Variants in ERO1B observed in about 807,000 individuals in gnomAD.
ERO1B encodes ERO1-like protein beta.
Under a neutral mutation model 75.3 loss-of-function variants are expected in ERO1B, and 49 were observed. The observed-to-expected ratio is 0.65, with a 90% CI of 0.52 to 0.83. ERO1B has a LOEUF of 0.83. ERO1B is among the 40% of genes least tolerant of loss of function. The pLI is 0.00. For missense variants in ERO1B, 512 were observed against 560.1 expected (o/e 0.91, Z 0.87); for synonymous variants, 191 against 192.9 (o/e 0.99, Z 0.08).
At chr1:236,251,902 G>A (rs1665038865) in intron 4 of ERO1B, 148 bp downstream of exon 4, 4 of 599,756 alleles carry the variant, frequency 6.7e-6, no homozygotes, top group South Asian at 2.4e-5. Context: ...TCTGCTTGAC[G>A]CAAGAGTTAG....
At chr1:236,267,959 C>T (rs1227102588) in intron 2 of ERO1B, 4 of 149,222 alleles carry the variant, frequency 2.7e-5, no homozygotes, top group Non-Finnish European at 5.9e-5. Context: ...TGCACCCCTC[C>T]GGGGGAAAAA....
chr1:236,227,946 C>T lies in ERO1B; in HGVS notation c.713-1207G>A, dbSNP rs1323525840. 6.6e-5 allele frequency among the ~76,000 whole-genome samples: 10 copies of T among 152,198 alleles called. No homozygotes were observed. The East Asian group carries it at 1.5e-3, about 23-fold the overall frequency. On this transcript the variant is annotated intron_variant, in intron 10 of 15. Coordinates refer to ENST00000354619, the MANE Select transcript of ERO1B (RefSeq NM_019891.4). ...AGTATATGACAATTTTGAATGTTTA[C>T]GATAACAATGGATACAAACAATATG...
In ERO1B at chr1:236,232,881, A is replaced by G. The variant is rs550381026; in HGVS notation, c.674-42T>C. ...TAGAAAAGATTTTAGAAAATGTCTT[A>G]CATAGCTCAGATCCCAATACTATTT... On this transcript the variant is annotated intron_variant, in intron 8 of 15. Coordinates refer to ENST00000354619, the MANE Select transcript of ERO1B (RefSeq NM_019891.4). 124 of 1,531,256 alleles carry G rather than the reference A, an allele frequency of 8.1e-5. No individual in the cohort carries two copies. The South Asian group carries it at 1.4e-3, about 17-fold the overall frequency. The allele number at this position is 1,531,256 out of a possible 1,614,324, so 94.9% of individuals were successfully genotyped here. A position where few individuals can be genotyped will look rare whatever the true frequency, so the allele number is the denominator to read the frequency against.
rs1342816563 is a variant in ERO1B at position 236,218,072 on chromosome 1, AT to A, written c.*443del. 2 of 152,168 alleles carry A rather than the reference AT, an allele frequency of 1.3e-5. No individual in the cohort carries two copies. The allele number at this position is 152,168 out of a possible 1,614,324, so 9.4% of individuals were successfully genotyped here. ...CACAGTGAGGCAAGGGTAAAAACAC[AT>A]TAAAAAGCATTGATAAATTTTTCTC... On this transcript the variant is annotated 3_prime_UTR_variant, in exon 16 of 16. Transcript: ENST00000354619.
At chr1:236,268,110 G>A (rs998172008) in intron 2 of ERO1B, among the ~76,000 whole-genome samples, 6 of 152,196 alleles carry the variant, frequency 3.9e-5, no homozygotes, top group Non-Finnish European at 7.3e-5. Context: ...GTACAGAGGA[G>A]AAACATACAT....
chr1:236,279,374 A>T (rs991737711), intron 1 of ERO1B, among the ~76,000 whole-genome samples: 1 of 151,756 alleles, frequency 6.6e-6, no homozygotes, highest in Non-Finnish European at 1.5e-5. Flanking sequence ...GTGGTGGCAC[A>T]CACCTATAGT....
At chr1:236,255,086 A>G (rs1473854887) in intron 2 of ERO1B, among the ~76,000 whole-genome samples, 2 of 144,250 alleles carry the variant, frequency 1.4e-5, no homozygotes, top group Non-Finnish European at 3.0e-5. Flanking sequence ...ACACCTGGCT[A>G]ATTTTTTTTT....
chr1:236,239,877 A>ATATGTATATGTG (rs1572042468), intron 6 of ERO1B, among the ~76,000 whole-genome samples: 1 of 96,030 alleles, frequency 1.0e-5, no homozygotes, highest in African/African-American at 3.7e-5. Flanking sequence ...ATATGTGTAT[A>ATATGTATATGTG]TGTGTGTGTG....
At chr1:236,277,602 C>T (rs1176885221) in intron 1 of ERO1B, among the ~76,000 whole-genome samples, 1 of 152,072 alleles carries the variant, frequency 6.6e-6, no homozygotes, top group Non-Finnish European at 1.5e-5. Flanking sequence ...TGGTAACCAA[C>T]AGGAAGTCAA....
Position 236,243,422 on chromosome 1 carries a change from C to T in ERO1B, c.505G>A (p.Asp169Asn), listed in dbSNP as rs754799248. Reference sequence around the variant, plus strand: ...TAATTATAATAGTTTATTGTATTACCATCAAGTTCACAAAAGTGATCCCGT... The same window carrying T: ...TAATTATAATAGTTTATTGTATTACTATCAAGTTCACAAAAGTGATCCCGT... ...DSRDHFCELD[D>N]ERSPAAQYVD... Residue 169 changes from aspartate (D) to asparagine (N), a missense_variant and splice_region_variant, in exon 6 of 16, where the codon GAT (aspartate) becomes AAT (asparagine). Transcript: ENST00000354619. 1.3e-5 allele frequency: 21 copies of T among 1,582,250 alleles called. No individual in the cohort carries two copies. The highest frequency in any genetic ancestry group is 1.7e-5 in the Admixed American group (1 of 58,612).
At chr1:236,268,698 A>G (rs892735498) in intron 2 of ERO1B, among the ~76,000 whole-genome samples, 8 of 151,514 alleles carry the variant, frequency 5.3e-5, no homozygotes, top group African/African-American at 9.7e-5. Flanking sequence ...CATCCTGGCT[A>G]ACATGGTGAA....
At chr1:236,246,951 C>G (rs139264556) in intron 5 of ERO1B, among the ~76,000 whole-genome samples, 7 of 152,172 alleles carry the variant, frequency 4.6e-5, no homozygotes, top group Admixed American at 1.3e-4. Context: ...AAGGACAAAT[C>G]CTAACAACAC....
At position 236,255,538 on chromosome 1, in the gene ERO1B, T is replaced by C. The variant is rs561877647; in HGVS notation, c.223-2033A>G. Among the ~76,000 whole-genome samples, 3 of 152,248 alleles carry C rather than the reference T, an allele frequency of 2.0e-5. No individual in the cohort carries two copies. In the South Asian group the frequency reaches 6.2e-4, roughly 32 times the overall value. ...CTTGGAACAGTGGTATAATACATAG[T>C]AGACACCTAATTAATATGGTTAAGT... On this transcript the variant is annotated intron_variant, in intron 2 of 15. Coordinates refer to ENST00000354619, the MANE Select transcript of ERO1B (RefSeq NM_019891.4).
chr1:236,276,195 A>G (rs936858316), intron 1 of ERO1B, among the ~76,000 whole-genome samples: 8 of 152,242 alleles, frequency 5.3e-5, no homozygotes, highest in Non-Finnish European at 4.4e-5. Context: ...TGTGGTTTCT[A>G]TATCAAGTTT....
chr1:236,253,599 A>AT (rs1665092128), intron 2 of ERO1B, 94 bp from the exon 3 acceptor site: 1 of 763,190 alleles, frequency 1.3e-6, no homozygotes, highest in Admixed American at 2.3e-5. Flanking sequence ...ATGGTGGTGA[A>AT]TAAGAAGGAA....
At chr1:236,263,440 G>C (rs569286468) in intron 2 of ERO1B, among the ~76,000 whole-genome samples, 1 of 151,866 alleles carries the variant, frequency 6.6e-6, no homozygotes, top group African/African-American at 2.4e-5. Flanking sequence ...AGTAGAGATG[G>C]GGTTTCACTA....
chr1:236,249,814 C>T, intron 5 of ERO1B, 71 bp downstream of exon 5: 2 of 1,209,652 alleles, frequency 1.7e-6, no homozygotes, highest in Non-Finnish European at 2.3e-6. Context: ...AAATGTTTTA[C>T]CAAAATCATA....
At chr1:236,275,694 AG>A (rs1665695337) in intron 1 of ERO1B, among the ~76,000 whole-genome samples, 1 of 152,164 alleles carries the variant, frequency 6.6e-6, no homozygotes, top group Non-Finnish European at 1.5e-5. Flanking sequence ...CTATCTATGT[AG>A]GGTCCCCGTC....
intron 11 of ERO1B, 22 bp from the exon 12 acceptor site, chr1:236,226,537 T>C (rs774133514): frequency 1.2e-6 from 2 of 1,602,618 alleles, no homozygotes; most frequent in African/African-American, 1.4e-5. Flanking sequence ...GAGAAATACA[T>C]TACATTGTTT....
Sources: gnomAD v4.1 joint callset for allele counts (sites outside exome capture counted in the v4.1 genomes callset) on GRCh38, gnomAD v4.1.1 for gene constraint, MANE v1.5 for transcripts, NCBI Gene and HGNC (gene_info 2026-07-23, HGNC 2026-07-21) for gene names.